Variants in FAM13C observed in about 807,000 individuals in gnomAD.
FAM13C encodes the protein family with sequence similarity 13 member C.
Under a neutral mutation model 73.2 loss-of-function variants are expected in FAM13C, and 37 were observed. The observed-to-expected ratio is 0.51, with a 90% CI of 0.39 to 0.67. The LOEUF is 0.67. Ranked by LOEUF, FAM13C falls within the 30% of genes least tolerant of loss-of-function variation. The pLI is 0.00. For synonymous variants in FAM13C, 246 were observed against 260.9 expected (o/e 0.94, Z 0.55); for missense variants, 589 against 715.6 (o/e 0.82, Z 2.02).
At chr10:59,339,645 A>T (rs1208373298) in intron 3 of FAM13C, among the ~76,000 whole-genome samples, 2 of 152,166 alleles carry the variant, frequency 1.3e-5, no homozygotes, top group Admixed American at 6.5e-5. Flanking sequence ...TCCCTTAGGC[A>T]CAGTCAACCC....
At chr10:59,359,975 T>C (rs1856197584) in intron 1 of FAM13C, among the ~76,000 whole-genome samples, 1 of 152,174 alleles carries the variant, frequency 6.6e-6, no homozygotes, top group Non-Finnish European at 1.5e-5. Context: ...GTGCCACAGA[T>C]AGGGAAGAAA....
rs1326120964 is a variant in FAM13C, at chr10:59,322,719, G to T, written c.443+1269C>A. 2.6e-5 allele frequency among the ~76,000 whole-genome samples: 4 copies of T among 152,240 alleles called. No homozygotes were observed. The South Asian group carries it at 8.3e-4, about 32-fold the overall frequency. On this transcript the variant is annotated intron_variant, in intron 4 of 13. Transcript: ENST00000618804. ...TTATATTATTTTGAAATATGCATGGGAATAATAGTTGACTTTCTTCTTTCT... is the reference window on the plus strand; with the variant it reads ...TTATATTATTTTGAAATATGCATGGTAATAATAGTTGACTTTCTTCTTTCT...
chr10:59,306,238 T>C (rs1314881943), intron 4 of FAM13C, among the ~76,000 whole-genome samples: 2 of 152,164 alleles, frequency 1.3e-5, no homozygotes, highest in African/African-American at 4.8e-5. Context: ...AGAAATATAC[T>C]TTGTTAAAAA....
intron 10 of FAM13C, among the ~76,000 whole-genome samples, chr10:59,261,484 G>A (rs1842497632): frequency 6.6e-6 from 1 of 152,110 alleles, no homozygotes; most frequent in South Asian, 2.1e-4. Flanking sequence ...GACTTCATTT[G>A]AAAATTAAAT....
In FAM13C at chr10:59,252,990, T is replaced by C. The variant is rs1207484983; in HGVS notation, c.1341A>G (p.Glu447=). The C allele has an allele frequency of 1.2e-6, 2 of 1,613,436 alleles. No individual in the cohort carries two copies. Among genetic ancestry groups the C allele is most frequent in the Admixed American group, 1.7e-5 (1 of 60,022 alleles). The change falls in exon 12 of 14, where the codon GAA becomes GAG. Residue 447 remains glutamate, a synonymous_variant. Coordinates refer to ENST00000618804, the MANE Select transcript of FAM13C (RefSeq NM_198215.4). ...TPSLIPTIQE[E]EDSDEDRPQG... is the part of the protein sequence containing the mutation. The stretch of plus-strand genomic sequence containing the variant: ...GTGGACGGTCTTCATCAGAGTCCTC[T>C]TCCTCCTGCTTATCACAGGCAGAGT...
In FAM13C at chr10:59,251,654, G is replaced by A. The variant is rs1402392418; in HGVS notation, c.1555C>T (p.Arg519Ter). The part of the protein sequence containing the change: ...ATMPVLLDHL[R>*]ETRADKKRLR... ...CTCTTCTTGTCAGCCCTAGTTTCTC[G>A]GAGATGGTCAAGAAGTACAGGCCTA... Residue 519 changes from arginine (R) to a stop codon, truncating the protein, a stop_gained, in exon 13 of 14, where the codon CGA becomes TGA. Coordinates refer to ENST00000618804, the MANE Select transcript of FAM13C (RefSeq NM_198215.4). LOFTEE classifies it high-confidence loss of function. 1.9e-6 allele frequency: 3 copies of A among 1,611,022 alleles called. No individual in the cohort carries two copies. Among genetic ancestry groups the A allele is most frequent in the Non-Finnish European group, 2.5e-6 (3 of 1,179,000 alleles).
At chr10:59,293,696 T>C (rs1333298084) in intron 5 of FAM13C, among the ~76,000 whole-genome samples, 4 of 152,118 alleles carry the variant, frequency 2.6e-5, no homozygotes, top group Non-Finnish European at 4.4e-5. Flanking sequence ...AAAAAGACAA[T>C]AGGTGCCAAG....
intron 3 of FAM13C, among the ~76,000 whole-genome samples, chr10:59,335,902 T>C (rs1246990002): frequency 6.6e-6 from 1 of 152,226 alleles, no homozygotes; most frequent in Admixed American, 6.5e-5. Flanking sequence ...CATGACATAG[T>C]ATCCTGGGAC....
intron 1 of FAM13C, among the ~76,000 whole-genome samples, chr10:59,357,397 C>A (rs1008619998): frequency 1.3e-5 from 2 of 152,144 alleles, no homozygotes; most frequent in African/African-American, 4.8e-5. Context: ...GTAGAAATAA[C>A]TGTAATTTAT....
chr10:59,318,622 A>C (rs920565445), intron 4 of FAM13C, among the ~76,000 whole-genome samples: 4 of 152,048 alleles, frequency 2.6e-5, no homozygotes, highest in African/African-American at 7.2e-5. Flanking sequence ...TCTTCATTTG[A>C]ATGTTCTTTC....
In FAM13C at chr10:59,254,403, T is replaced by C; in HGVS notation, c.1277A>G (p.Asp426Gly). 6.4e-7 allele frequency: 1 copy of C among 1,560,752 alleles called. No homozygotes were observed. The highest frequency in any genetic ancestry group is 8.7e-7 in the Non-Finnish European group (1 of 1,152,520). ...GATTTGCTTGATAATTCTGTATCGG[T>C]CATAAAGCGGCTTTATGAGGTTCTT... ...QDKNLIKPLYDRYRIIKQILS... is the reference protein window; with the variant it reads ...QDKNLIKPLYGRYRIIKQILS... Residue 426 changes from aspartate to glycine, a missense_variant, in exon 11 of 14, where the codon GAC becomes GGC. By Grantham distance (94) the Asp-to-Gly change is moderately conservative (BLOSUM62 -1). Coordinates refer to ENST00000618804, the MANE Select transcript of FAM13C (RefSeq NM_198215.4).
intron 3 of FAM13C, among the ~76,000 whole-genome samples, chr10:59,343,739 G>A (rs1015592669): frequency 6.6e-6 from 1 of 152,126 alleles, no homozygotes; most frequent in African/African-American, 2.4e-5. Context: ...GTCTTTAGTT[G>A]ACTGAGGTGA....
At chr10:59,323,826 T>G (rs1850693647) in intron 4 of FAM13C, among the ~76,000 whole-genome samples, 162 bp downstream of exon 4, 1 of 152,182 alleles carries the variant, frequency 6.6e-6, no homozygotes, top group South Asian at 2.1e-4. Context: ...TTAAACTCAC[T>G]CAGCGATTCC....
intron 8 of FAM13C, among the ~76,000 whole-genome samples, chr10:59,267,657 A>G (rs1336734285): frequency 1.3e-5 from 2 of 152,190 alleles, no homozygotes; most frequent in African/African-American, 4.8e-5. Flanking sequence ...AGAGTGGAAT[A>G]TTATCCATTC....
intron 11 of FAM13C, 91 bp downstream of exon 11, chr10:59,254,257 G>T: frequency 3.5e-6 from 3 of 849,304 alleles, no homozygotes; most frequent in Non-Finnish European, 5.3e-6. Flanking sequence ...ATACTGCCAT[G>T]AAGGGTCTTT....
chr10:59,296,411 T>G (rs1846927963), intron 5 of FAM13C, among the ~76,000 whole-genome samples: 1 of 152,200 alleles, frequency 6.6e-6, no homozygotes, highest in African/African-American at 2.4e-5. Flanking sequence ...ACATTGAGGC[T>G]AAAGTTTAGT....
At chr10:59,269,641 T>G (rs1843473984) in intron 7 of FAM13C, among the ~76,000 whole-genome samples, 1 of 152,202 alleles carries the variant, frequency 6.6e-6, no homozygotes, top group Non-Finnish European at 1.5e-5. Flanking sequence ...AAGATTCTGG[T>G]CATTTCACCA....
chr10:59,317,228 C>T (rs189071015), intron 4 of FAM13C, among the ~76,000 whole-genome samples: 346 of 151,910 alleles, frequency 2.3e-3, no homozygotes, highest in Middle Eastern at 0.014. Context: ...GGAGTAGCCA[C>T]GACTTCATTG....
chr10:59,321,431 CCTTTTTTT>C (rs1267502545), intron 4 of FAM13C, among the ~76,000 whole-genome samples: 7 of 109,848 alleles, frequency 6.4e-5, no homozygotes, highest in Non-Finnish European at 1.1e-4. Context: ...CCTGCCAACA[CCTTTTTTT>C]TTTTTTTTTT....
Sources: gnomAD v4.1 joint callset for allele counts (sites outside exome capture counted in the v4.1 genomes callset) on GRCh38, gnomAD v4.1.1 for gene constraint, MANE v1.5 for transcripts, NCBI Gene and HGNC (gene_info 2026-07-23, HGNC 2026-07-21) for gene names.